CYRIB: variants seen among roughly 807,000 people sequenced by gnomAD.
CYRIB encodes CYFIP-related Rac1 interactor B.
A neutral mutation model predicts 44.2 loss-of-function variants in CYRIB; 8 were observed. That is an observed-to-expected ratio of 0.18 (90% CI 0.11 to 0.33). The LOEUF is 0.33. CYRIB is among the 10% of genes least tolerant of loss of function. The pLI is 1.00. For missense variants in CYRIB, 185 were observed against 382.8 expected, an observed-to-expected ratio of 0.48 and a Z score of 4.31; for synonymous variants, 131 against 127.2, an observed-to-expected ratio of 1.03 and a Z score of -0.20.
At chr8:129,979,225 C>T (rs1362430471) in intron 1 of CYRIB, among the ~76,000 whole-genome samples, 1 of 151,872 alleles carries the variant, frequency 6.6e-6, no homozygotes, top group South Asian at 2.1e-4. Context: ...ACACAAAGTA[C>T]TTCTGGTTTT....
chr8:129,985,604 TA>T (rs2096427429), intron 1 of CYRIB, among the ~76,000 whole-genome samples: 1 of 151,348 alleles, frequency 6.6e-6, no homozygotes, highest in Admixed American at 6.6e-5. Context: ...TAAAATCAAA[TA>T]TTTGCACACT....
intron 11 of CYRIB, 52 bp downstream of exon 13, chr8:129,846,752 C>A (rs1360578035): frequency 2.4e-6 from 3 of 1,257,568 alleles, no homozygotes; most frequent in East Asian, 5.0e-5. Context: ...TAAACATCGA[C>A]CATTTTCCTT....
chr8:129,969,745 TA>T (rs1191456553), intron 2 of CYRIB, among the ~76,000 whole-genome samples: 2 of 152,160 alleles, frequency 1.3e-5, no homozygotes, highest in East Asian at 3.8e-4. Context: ...GTGTGATAAT[TA>T]AAATCCATAA....
chr8:129,908,491 C>G (rs2076539673), intron 1 of CYRIB, among the ~76,000 whole-genome samples: 1 of 152,046 alleles, frequency 6.6e-6, no homozygotes, highest in Non-Finnish European at 1.5e-5. Flanking sequence ...CAGATTTTCA[C>G]TTATTTAAAT....
At chr8:129,916,932 T>C (rs2081085826) in intron 1 of CYRIB, among the ~76,000 whole-genome samples, 1 of 152,208 alleles carries the variant, frequency 6.6e-6, no homozygotes, top group South Asian at 2.1e-4. Context: ...GTTCTGACAA[T>C]TACCATAACT....
At chr8:129,954,079 G>A (rs2094649869) in intron 2 of CYRIB, among the ~76,000 whole-genome samples, 1 of 152,114 alleles carries the variant, frequency 6.6e-6, no homozygotes, top group Admixed American at 6.6e-5. Flanking sequence ...CAGGTTTAAT[G>A]AGAACGTATC....
At chr8:129,984,825 A>G (rs2096389881) in intron 1 of CYRIB, among the ~76,000 whole-genome samples, 1 of 151,976 alleles carries the variant, frequency 6.6e-6, no homozygotes, top group Non-Finnish European at 1.5e-5. Context: ...CCCAGGCTGG[A>G]GTGCAATGGC....
rs184350743 is a variant in CYRIB at position 129,976,998 on chromosome 8, C to T, written c.-295-6003G>A. ...CTGGGATTACAGGCATGTGCCACCA[C>T]GCCCAACTAATTTTTCTATTTTTAG... On this transcript the variant is annotated intron_variant, in intron 1 of 14. Transcript: ENST00000401979. 1.6e-3 allele frequency among the ~76,000 whole-genome samples: 243 copies of T among 152,154 alleles called. 2 individuals are homozygous for T. The highest frequency in any genetic ancestry group is 5.0e-3 in the African/African-American group (209 of 41,538).
chr8:129,855,979 G>A (rs899226263), intron 5 of CYRIB, among the ~76,000 whole-genome samples: 2 of 152,192 alleles, frequency 1.3e-5, no homozygotes, highest in Middle Eastern at 6.8e-3. Flanking sequence ...CTAATTCAAG[G>A]GTTTATAATT....
At chr8:129,910,815 C>T (rs2077595479) in intron 1 of CYRIB, among the ~76,000 whole-genome samples, 1 of 152,136 alleles carries the variant, frequency 6.6e-6, no homozygotes, top group African/African-American at 2.4e-5. Context: ...ACAAGAGAAA[C>T]ACGGTCTCGC....
chr8:129,916,974 C>T lies in CYRIB; in HGVS notation c.-49-13624G>A, dbSNP rs1263282457. ...CACACAGCTAGTAAGCATTAGTTTC[C>T]TCATTTGTCAAATGGAGTTAACAGA... is the stretch of plus-strand genomic sequence containing the variant. On this transcript the variant is annotated intron_variant, in intron 1 of 11. Transcript: ENST00000519824. 2.0e-5 allele frequency among the ~76,000 whole-genome samples: 3 copies of T among 152,158 alleles called. No individual in the cohort carries two copies. The East Asian group carries it at 5.8e-4, about 29-fold the overall frequency.
At chr8:129,971,427 A>G (rs1049288809) in intron 1 of CYRIB, among the ~76,000 whole-genome samples, 73 of 152,234 alleles carry the variant, frequency 4.8e-4, no homozygotes, top group Admixed American at 2.1e-3. Flanking sequence ...ATATCACTGA[A>G]TTGTTTTGCA....
intron 10 of CYRIB, among the ~76,000 whole-genome samples, chr8:129,848,864 G>A (rs977256346): frequency 3.3e-5 from 5 of 152,008 alleles, no homozygotes; most frequent in African/African-American, 7.3e-5. Flanking sequence ...GAGCCAGCAC[G>A]CCCAGCAGCA....
chr8:129,905,360 G>T (rs1384163145), intron 1 of CYRIB, among the ~76,000 whole-genome samples: 1 of 152,122 alleles, frequency 6.6e-6, no homozygotes, highest in Non-Finnish European at 1.5e-5. Flanking sequence ...TAGGACTACA[G>T]GCGCCTGCCA....
At chr8:130,009,181 C>T (rs2097167933) in intron 1 of CYRIB, among the ~76,000 whole-genome samples, 1 of 152,204 alleles carries the variant, frequency 6.6e-6, no homozygotes. Flanking sequence ...GCTTCTCAAC[C>T]TGCCACTGTC....
chr8:129,863,589 A>G (rs1451364835), intron 4 of CYRIB, among the ~76,000 whole-genome samples: 2 of 151,984 alleles, frequency 1.3e-5, no homozygotes, highest in Non-Finnish European at 2.9e-5. Context: ...CTATAACTAA[A>G]ATCCTATCCT....
At chr8:129,916,691 A>G (rs1012628265) in intron 1 of CYRIB, among the ~76,000 whole-genome samples, 2 of 152,208 alleles carry the variant, frequency 1.3e-5, no homozygotes, top group African/African-American at 4.8e-5. Flanking sequence ...AGCCCACATC[A>G]ATCCCTATAA....
At chr8:130,003,851 A>C (rs964304792) in intron 1 of CYRIB, among the ~76,000 whole-genome samples, 1 of 152,152 alleles carries the variant, frequency 6.6e-6, no homozygotes, top group Non-Finnish European at 1.5e-5. Flanking sequence ...GCAGGGCCTC[A>C]AGGACTATGG....
chr8:129,862,601 G>A (rs978946564), intron 4 of CYRIB, among the ~76,000 whole-genome samples: 2 of 152,054 alleles, frequency 1.3e-5, no homozygotes, highest in African/African-American at 4.8e-5. Flanking sequence ...CTCCCAAGTA[G>A]CTGGGACTAC....
Sources: allele counts gnomAD v4.1 joint callset (sites outside exome capture counted in the v4.1 genomes callset), GRCh38; gene constraint gnomAD v4.1.1; transcripts MANE v1.5; gene names NCBI Gene and HGNC (gene_info 2026-07-23, HGNC 2026-07-21).